Variants in CDH26 observed in about 807,000 individuals in gnomAD.
The protein encoded by CDH26 is cadherin 26.
CDH26 carries 83 observed loss-of-function variants against 90.3 expected under a neutral mutation model. The ratio of observed to expected loss-of-function variants is 0.92; its 90% CI spans 0.77 to 1.10. The LOEUF (loss-of-function observed/expected upper bound fraction) is 1.10, where lower values mean the gene tolerates loss of function less well. Among genes scored for constraint, CDH26 ranks in the 50% least tolerant of loss-of-function variants. The probability of loss-of-function intolerance (pLI) is 0.00; values close to 1 mark genes in which losing one functional copy is unlikely to be tolerated. For missense variants in CDH26, 1,013 were observed against 1,037.6 expected, an observed-to-expected ratio of 0.98 and a Z score of 0.33; for synonymous variants, 397 against 396.3, an observed-to-expected ratio of 1.00 and a Z score of -0.02.
At chr20:59,997,214 C>T (rs2061609340) in intron 13 of CDH26, among the ~76,000 whole-genome samples, 1 of 152,232 alleles carries the variant, frequency 6.6e-6, no homozygotes, top group Non-Finnish European at 1.5e-5. Context: ...TTGTGTTAGG[C>T]TCACTAGTTA....
intron 7 of CDH26, among the ~76,000 whole-genome samples, chr20:60,026,564 C>G (rs1008041570): frequency 6.6e-6 from 1 of 152,204 alleles, no homozygotes; most frequent in African/African-American, 2.4e-5. Flanking sequence ...AGGATCTGAG[C>G]ATCCCCTCAC....
At chr20:60,025,855 C>T (rs2061992782) in intron 7 of CDH26, among the ~76,000 whole-genome samples, 1 of 152,172 alleles carries the variant, frequency 6.6e-6, no homozygotes, top group African/African-American at 2.4e-5. Flanking sequence ...ATCAAAACAC[C>T]CTTAAACCAA....
At chr20:60,007,054 C>T (rs195006) in intron 17 of CDH26, among the ~76,000 whole-genome samples, 16,995 of 152,144 alleles carry the variant, frequency 0.11, 2,600 homozygotes, top group African/African-American at 0.35. Flanking sequence ...GCCACTTTCC[C>T]GCCGTGTCCT....
In CDH26 at chr20:59,984,780, G is replaced by A. The variant is rs35720809; in HGVS notation, c.683G>A (p.Arg228Gln). The change falls in exon 6 of 18, where the codon CGA becomes CAA. Residue 228 changes from arginine (R) to glutamine (Q), a missense_variant. By Grantham distance (43) the Arg-to-Gln change is conservative. Transcript: ENST00000348616. ...GTTGATCGCCTTAGTGGAGAAATAC[G>A]ACTCTCTGGCTGCTTAGATTATGAG... is the stretch of plus-strand genomic sequence containing the variant. ...FRVDRLSGEI[R>Q]LSGCLDYETA... 333 of 1,612,256 alleles carry A rather than the reference G, an allele frequency of 2.1e-4. 2 individuals carry two copies. In the African/African-American group the frequency reaches 3.8e-3, roughly 18 times the overall value.
At chr20:59,989,201 G>A in intron 9 of CDH26, 38 bp downstream of exon 9, 1 of 1,608,550 alleles carries the variant, frequency 6.2e-7, no homozygotes. Context: ...TTGTTTAAGT[G>A]GAAATAGCCA....
chr20:59,965,464 A>C (rs1333712052), intron 1 of CDH26, among the ~76,000 whole-genome samples: 3 of 152,272 alleles, frequency 2.0e-5, no homozygotes, highest in Non-Finnish European at 4.4e-5. Context: ...TATGTTAATA[A>C]AAATAGCACA....
chr20:59,996,055 G>A lies in CDH26; in HGVS notation c.1888+1G>A. The A allele has an allele frequency of 6.2e-7, 1 of 1,611,986 alleles. No individual in the cohort carries two copies. Among genetic ancestry groups the A allele is most frequent in the Non-Finnish European group, 8.5e-7 (1 of 1,179,892 alleles). ...TGTGCAGCATTTGTGGCTCTGGCAG[G>A]TCAGTGGTCTGTAGGGGTGTCCTGG... is the stretch of plus-strand genomic sequence containing the variant. On this transcript the variant is annotated splice_donor_variant, in intron 12 of 17. Transcript: ENST00000348616. LOFTEE classifies it high-confidence loss of function.
chr20:59,973,648 G>T (rs2061291991), intron 4 of CDH26, among the ~76,000 whole-genome samples: 1 of 152,042 alleles, frequency 6.6e-6, no homozygotes, highest in Non-Finnish European at 1.5e-5. Flanking sequence ...ATGCAGTATT[G>T]GTTTTCTGTT....
downstream of CDH26, among the ~76,000 whole-genome samples, chr20:60,016,784 C>T (rs989403676): frequency 2.0e-5 from 3 of 151,920 alleles, no homozygotes; most frequent in Non-Finnish European, 4.4e-5. Context: ...GAGGCACTTT[C>T]CTTTTATACC....
At chr20:60,011,739 C>A (rs1201274664) in intron 17 of CDH26, among the ~76,000 whole-genome samples, 1 of 152,116 alleles carries the variant, frequency 6.6e-6, no homozygotes, top group Non-Finnish European at 1.5e-5. Context: ...GTGCGCACTG[C>A]ACTTGGCGAG....
Position 59,958,720 on chromosome 20 carries a change from T to C in CDH26, c.-7T>C. Reference sequence around the variant, plus strand: ...GCACGTTCTGGGTCTGTCTTGGGTATTCCCATATGGCCATGAGATCCGGGA... The same window carrying C: ...GCACGTTCTGGGTCTGTCTTGGGTACTCCCATATGGCCATGAGATCCGGGA... On this transcript the variant is annotated 5_prime_UTR_variant, in exon 1 of 18. Transcript: ENST00000348616. The C allele has an allele frequency of 5.0e-6, 8 of 1,614,146 alleles. No homozygotes were observed. The highest frequency in any genetic ancestry group is 2.2e-5 in the East Asian group (1 of 44,872).
At position 59,968,025 on chromosome 20, in the gene CDH26, GTCTCTCTCTC is replaced by G. The variant is rs777837348; in HGVS notation, c.70-924_70-915del. 1.8e-3 allele frequency among the ~76,000 whole-genome samples: 104 copies of G among 57,228 alleles called. 3 individuals are homozygous for G. The highest frequency in any genetic ancestry group is 7.2e-3 in the African/African-American group (83 of 11,606). The allele number at this position is 57,228 out of a possible 152,430, so 37.5% of individuals were successfully genotyped here. A position where few individuals can be genotyped will look rare whatever the true frequency, so the allele number is the denominator to read the frequency against. On this transcript the variant is annotated intron_variant, in intron 1 of 17. Transcript: ENST00000348616. ...TTTCTTTCTTTCTTCCTTTCTCTCT[GTCTCTCTCTC>G]TCTCTCTCTCTCTCTCTGTCTCTCT...
At chr20:60,003,447 C>T (rs984913695) in intron 16 of CDH26, among the ~76,000 whole-genome samples, 1 of 152,082 alleles carries the variant, frequency 6.6e-6, no homozygotes, top group African/African-American at 2.4e-5. Flanking sequence ...TTCATTGCCT[C>T]GCATTATTAT....
intron 17 of CDH26, among the ~76,000 whole-genome samples, chr20:60,011,600 G>A (rs1029804776): frequency 6.6e-6 from 1 of 152,170 alleles, no homozygotes; most frequent in Non-Finnish European, 1.5e-5. Context: ...CCATTGTTCC[G>A]TGAAAGCAGC....
chr20:59,972,665 T>A (rs1428938020), intron 4 of CDH26, among the ~76,000 whole-genome samples: 3 of 152,194 alleles, frequency 2.0e-5, no homozygotes, highest in African/African-American at 7.2e-5. Context: ...CCCTGAACCA[T>A]GTATCACATT....
intron 1 of CDH26, among the ~76,000 whole-genome samples, chr20:59,965,565 G>A (rs194979): frequency 0.11 from 16,275 of 152,104 alleles, 1,929 homozygotes; most frequent in African/African-American, 0.3. Flanking sequence ...TTGAATGTCC[G>A]GCTTTAAAGA....
downstream of CDH26, among the ~76,000 whole-genome samples, chr20:60,015,297 A>T (rs897826024): frequency 7.9e-5 from 12 of 152,128 alleles, no homozygotes; most frequent in African/African-American, 2.9e-4. Context: ...AGCATTGGCT[A>T]TTTTTGACTC....
rs1319265553 is a variant in CDH26, at chr20:59,999,624, C to T, written c.2058C>T (p.Leu686=). Reference sequence around the variant, plus strand: ...TTGAAGGCCAGAGGCCGGCTCTGCTCATCTGCACAGCTGCAGCAGGACCCA... The same window carrying T: ...TTGAAGGCCAGAGGCCGGCTCTGCTTATCTGCACAGCTGCAGCAGGACCCA... ...SDVEGQRPAL[L]ICTAAAGPTQ... is the part of the protein sequence containing the mutation. The change falls in exon 14 of 18, where the codon CTC becomes CTT. Residue 686 remains leucine, a synonymous_variant. Transcript: ENST00000348616. 2 of 1,614,194 alleles carry T rather than the reference C, an allele frequency of 1.2e-6. No homozygotes were observed. Among genetic ancestry groups the T allele is most frequent in the Non-Finnish European group, 8.5e-7 (1 of 1,180,022 alleles).
At chr20:59,967,956 TA>T (rs1330012316) in intron 1 of CDH26, among the ~76,000 whole-genome samples, 3 of 83,230 alleles carry the variant, frequency 3.6e-5, no homozygotes, top group African/African-American at 2.2e-4. Context: ...TCTTTCTTTC[TA>T]TCTTTCTTTC....
Sources: allele counts gnomAD v4.1 joint callset (sites outside exome capture counted in the v4.1 genomes callset), GRCh38; gene constraint gnomAD v4.1.1; transcripts MANE v1.5; gene names NCBI Gene and HGNC (gene_info 2026-07-23, HGNC 2026-07-21).